The following WDR7 variants were observed in gnomAD, a reference collection of about 807,000 sequenced individuals.
WDR7 encodes the protein WD repeat domain 7.
In WDR7, 46 loss-of-function variants were observed where a neutral mutation model predicts 169.4. The observed-to-expected ratio is 0.27, with a 90% CI of 0.21 to 0.35. WDR7 has a LOEUF of 0.35. Ranked by LOEUF, WDR7 falls within the 10% of genes least tolerant of loss-of-function variation. The pLI is 1.00. For synonymous variants in WDR7, 612 were observed against 666.8 expected (o/e 0.92, Z 1.27); for missense variants, 1,534 against 1,859.3 (o/e 0.83, Z 3.22).
intron 9 of WDR7, among the ~76,000 whole-genome samples, chr18:56,692,852 A>G (rs1466176829): frequency 1.3e-5 from 2 of 152,052 alleles, no homozygotes; most frequent in African/African-American, 4.8e-5. Context: ...TTAAATATAT[A>G]GTTTATCAAT....
intron 7 of WDR7, among the ~76,000 whole-genome samples, chr18:56,689,212 T>G (rs1316025089): frequency 6.6e-6 from 1 of 152,200 alleles, no homozygotes; most frequent in Non-Finnish European, 1.5e-5. Flanking sequence ...TACCATAAGC[T>G]GAGATTCAAA....
At chr18:56,882,030 C>T (rs986507665) in intron 21 of WDR7, among the ~76,000 whole-genome samples, 6 of 152,184 alleles carry the variant, frequency 3.9e-5, no homozygotes, top group African/African-American at 9.7e-5. Flanking sequence ...ACCTGAGAAC[C>T]GTTTCCCTTC....
intron 19 of WDR7, among the ~76,000 whole-genome samples, chr18:56,798,235 A>G (rs1319579630): frequency 2.0e-5 from 3 of 152,194 alleles, no homozygotes; most frequent in Admixed American, 6.5e-5. Flanking sequence ...CATTTCTATC[A>G]ATAATAGTGG....
intron 20 of WDR7, among the ~76,000 whole-genome samples, chr18:56,879,042 G>A (rs550354245): frequency 6.6e-6 from 1 of 152,252 alleles, no homozygotes; most frequent in South Asian, 2.1e-4. Flanking sequence ...TCAGTTGATG[G>A]ACATTTCAGT....
chr18:56,867,782 G>A (rs1175808814), intron 20 of WDR7, among the ~76,000 whole-genome samples: 1 of 152,028 alleles, frequency 6.6e-6, no homozygotes, highest in Non-Finnish European at 1.5e-5. Context: ...TATGTGCTAA[G>A]TTAAACATTG....
intron 14 of WDR7, among the ~76,000 whole-genome samples, chr18:56,752,585 G>A (rs1394096491): frequency 6.6e-6 from 1 of 152,198 alleles, no homozygotes; most frequent in Non-Finnish European, 1.5e-5. Flanking sequence ...CATAATAGGT[G>A]TTAGGCAGCT....
intron 19 of WDR7, among the ~76,000 whole-genome samples, chr18:56,789,570 A>G (rs958669095): frequency 6.6e-6 from 1 of 152,222 alleles, no homozygotes; most frequent in African/African-American, 2.4e-5. Flanking sequence ...CTTGTATAGC[A>G]GTGAGGAGAT....
intron 16 of WDR7, among the ~76,000 whole-genome samples, chr18:56,769,814 C>G (rs1256874815): frequency 6.6e-6 from 1 of 152,062 alleles, no homozygotes; most frequent in East Asian, 1.9e-4. Context: ...CTATTCTTTT[C>G]CAGGATTTAT....
At chr18:56,671,352 G>A (rs1041291764) in intron 1 of WDR7, among the ~76,000 whole-genome samples, 1 of 149,028 alleles carries the variant, frequency 6.7e-6, no homozygotes, top group African/African-American at 2.5e-5. Context: ...GCAATGGTGC[G>A]ATCTTGGCTC....
At chr18:57,020,594 G>T in intron 26 of WDR7, 151 bp from the exon 27 acceptor site, 1 of 727,478 alleles carries the variant, frequency 1.4e-6, no homozygotes, top group East Asian at 2.8e-5. Context: ...CTGTTGCTTT[G>T]CTTATTTTTC....
intron 26 of WDR7, among the ~76,000 whole-genome samples, chr18:56,968,278 C>T (rs2047439355): frequency 6.6e-6 from 1 of 151,984 alleles, no homozygotes; most frequent in South Asian, 2.1e-4. Flanking sequence ...ATGCACAATG[C>T]AATGCATGTT....
intron 22 of WDR7, among the ~76,000 whole-genome samples, chr18:56,927,129 T>C (rs977085850): frequency 3.3e-5 from 5 of 152,228 alleles, no homozygotes; most frequent in African/African-American, 4.8e-5. Context: ...TACTTTCTTC[T>C]TATTCTTGTG....
chr18:56,926,886 G>A (rs923507048), intron 22 of WDR7, among the ~76,000 whole-genome samples: 6 of 152,184 alleles, frequency 3.9e-5, no homozygotes, highest in African/African-American at 1.4e-4. Context: ...GGTGGGAAGT[G>A]GAGCAGCAAT....
chr18:56,879,855 C>T (rs902082914), intron 20 of WDR7, 89 bp from the exon 21 acceptor site: 7 of 1,048,094 alleles, frequency 6.7e-6, no homozygotes, highest in South Asian at 4.7e-5. Context: ...CTATTCTTTC[C>T]GAACGTGCAG....
rs1568318978 is a variant in WDR7 at position 57,024,554 on chromosome 18, A to ACTAT, written c.4270-2450_4270-2449insCTAT. On this transcript the variant is annotated intron_variant, in intron 27 of 27. Coordinates refer to ENST00000254442, the MANE Select transcript of WDR7 (RefSeq NM_015285.3). ...TCTCAGACAGGAATAGGGATATGTGAGCTATGATAGTTATGTCCCTTATAG... is the reference window on the plus strand; with the variant it reads ...TCTCAGACAGGAATAGGGATATGTGACTATGCTATGATAGTTATGTCCCTTATAG... Among the ~76,000 whole-genome samples, 10 of 38,042 alleles carry ACTAT rather than the reference A, an allele frequency of 2.6e-4. 1 individual carries two copies. The highest frequency in any genetic ancestry group is 1.1e-3 in the African/African-American group (9 of 8,050). 25.0% of individuals were successfully genotyped at this position (38,042 alleles called of 152,430 possible).
intron 13 of WDR7, among the ~76,000 whole-genome samples, chr18:56,719,249 C>G (rs1294016557): frequency 1.3e-5 from 2 of 152,122 alleles, no homozygotes; most frequent in East Asian, 3.8e-4. Context: ...TCTTTCTAAT[C>G]TCTTTCTGGG....
chr18:56,932,841 C>T (rs1475383365), intron 22 of WDR7, among the ~76,000 whole-genome samples: 1 of 151,880 alleles, frequency 6.6e-6, no homozygotes, highest in Non-Finnish European at 1.5e-5. Context: ...CTCCCACACT[C>T]AAGTGCACAC....
intron 13 of WDR7, chr18:56,721,781 T>A (rs1328454058): frequency 6.6e-6 from 1 of 152,262 alleles, no homozygotes; most frequent in Admixed American, 6.5e-5. Context: ...TCTTCTTATC[T>A]AGCCATTACC....
At chr18:56,746,437 G>A (rs2043704208) in intron 14 of WDR7, among the ~76,000 whole-genome samples, 1 of 152,124 alleles carries the variant, frequency 6.6e-6, no homozygotes, top group Non-Finnish European at 1.5e-5. Context: ...GCATAGCCCA[G>A]GATTTTAGGT....
Sources: gnomAD v4.1 joint callset for allele counts (sites outside exome capture counted in the v4.1 genomes callset) on GRCh38, gnomAD v4.1.1 for gene constraint, MANE v1.5 for transcripts, NCBI Gene and HGNC (gene_info 2026-07-23, HGNC 2026-07-21) for gene names.